The following SESN1 variants were observed in gnomAD, a reference collection of about 807,000 sequenced individuals.
SESN1 encodes sestrin 1, also known as sestrin-1.
Under a neutral mutation model 59.3 loss-of-function variants are expected in SESN1, and 30 were observed. That is an observed-to-expected ratio of 0.51 (90% CI 0.38 to 0.69). The LOEUF is 0.69. Ranked by LOEUF, SESN1 falls within the 30% of genes least tolerant of loss-of-function variation. The pLI is 0.00. For missense variants in SESN1, 566 were observed against 673.0 expected, an observed-to-expected ratio of 0.84 and a Z score of 1.76; for synonymous variants, 197 against 219.9, an observed-to-expected ratio of 0.90 and a Z score of 0.92.
intron 1 of SESN1, among the ~76,000 whole-genome samples, chr6:109,086,396 A>G (rs778151539): frequency 6.6e-6 from 1 of 152,160 alleles, no homozygotes; most frequent in Non-Finnish European, 1.5e-5. Context: ...TTCCACAGCT[A>G]CTTTCTGTCA....
intron 1 of SESN1, among the ~76,000 whole-genome samples, chr6:109,049,948 C>T (rs1011371626): frequency 4.6e-5 from 7 of 151,970 alleles, no homozygotes; most frequent in East Asian, 3.9e-4. Context: ...TAGGCAACAG[C>T]TTTAAAAGAA....
intron 1 of SESN1, among the ~76,000 whole-genome samples, chr6:109,027,304 C>T (rs1780111267): frequency 6.6e-6 from 1 of 151,694 alleles, no homozygotes; most frequent in Non-Finnish European, 1.5e-5. Flanking sequence ...GAAACCCCGT[C>T]TCTACTAAAA....
intron 1 of SESN1, among the ~76,000 whole-genome samples, chr6:109,049,210 G>A (rs2114437148): frequency 6.6e-6 from 1 of 152,160 alleles, no homozygotes; most frequent in Middle Eastern, 3.4e-3. Context: ...TAAAAAAGAA[G>A]GAATCCTGTC....
chr6:109,015,663 A>C (rs1779917246), intron 1 of SESN1, among the ~76,000 whole-genome samples: 1 of 152,182 alleles, frequency 6.6e-6, no homozygotes, highest in Admixed American at 6.5e-5. Flanking sequence ...GAGGTCTATG[A>C]AAAAGGTGAA....
chr6:108,991,073 A>AAC (rs1562452420), intron 7 of SESN1, among the ~76,000 whole-genome samples: 69 of 150,070 alleles, frequency 4.6e-4, no homozygotes, highest in African/African-American at 1.6e-3. Context: ...TCTCAAAAAA[A>AAC]AACAACAACA....
At chr6:109,068,953 C>G (rs914082930) in intron 1 of SESN1, among the ~76,000 whole-genome samples, 1 of 152,002 alleles carries the variant, frequency 6.6e-6, no homozygotes, top group African/African-American at 2.4e-5. Flanking sequence ...AACTCCTGAC[C>G]TCAGGTGATC....
At chr6:109,057,302 T>C (rs1179281619) in intron 1 of SESN1, among the ~76,000 whole-genome samples, 7 of 152,220 alleles carry the variant, frequency 4.6e-5, no homozygotes, top group Non-Finnish European at 7.3e-5. Flanking sequence ...GCCAGAAATA[T>C]AGTGATTGAT....
intron 1 of SESN1, among the ~76,000 whole-genome samples, chr6:109,024,941 GC>G (rs1780066921): frequency 6.6e-6 from 1 of 152,190 alleles, no homozygotes; most frequent in African/African-American, 2.4e-5. Flanking sequence ...GGCCGAACTG[GC>G]AAAGTAACAG....
At chr6:108,989,454 T>G (rs180775051) in intron 8 of SESN1, among the ~76,000 whole-genome samples, 14 of 151,114 alleles carry the variant, frequency 9.3e-5, no homozygotes, top group African/African-American at 2.7e-4. Context: ...TACATCTCTA[T>G]ATCTAGAGAT....
At chr6:109,002,429 G>T in intron 1 of SESN1, 86 bp from the exon 2 acceptor site, 1 of 1,004,588 alleles carries the variant, frequency 1.0e-6, no homozygotes, top group Non-Finnish European at 1.6e-6. Context: ...AAAACAACCA[G>T]TCGAACAGAG....
intron 1 of SESN1, among the ~76,000 whole-genome samples, chr6:109,035,653 T>C (rs1780238179): frequency 6.6e-6 from 1 of 152,166 alleles, no homozygotes; most frequent in Non-Finnish European, 1.5e-5. Context: ...CTCACTCTGT[T>C]GCCCAGGCTC....
chr6:108,988,408 G>T, intron 9 of SESN1, 135 bp downstream of exon 9: 1 of 686,360 alleles, frequency 1.5e-6, no homozygotes. Context: ...AGGGGTACCT[G>T]AGACAGCTGT....
chr6:109,006,080 G>C lies in SESN1; in HGVS notation c.280-3737C>G, dbSNP rs181783216. On this transcript the variant is annotated intron_variant, in intron 1 of 9. Transcript: ENST00000436639. Reference sequence around the variant, plus strand: ...ATGATAATAAATAGCAATAGCAGCAGCAGCAGCTAACACAAAGTATGAGCT... The same window carrying C: ...ATGATAATAAATAGCAATAGCAGCACCAGCAGCTAACACAAAGTATGAGCT... Among the ~76,000 whole-genome samples, 201 of 152,282 alleles carry C rather than the reference G, an allele frequency of 1.3e-3. 1 individual carries two copies. The highest frequency in any genetic ancestry group is 4.7e-3 in the African/African-American group (197 of 41,560).
At chr6:108,997,112 A>C (rs937562590) in intron 5 of SESN1, among the ~76,000 whole-genome samples, 8 of 150,946 alleles carry the variant, frequency 5.3e-5, no homozygotes, top group African/African-American at 1.9e-4. Flanking sequence ...CCTAAAGAAC[A>C]AGCCATATCA....
rs1028472461 is a variant in SESN1 at position 109,094,781 on chromosome 6, C to T, written c.-708G>A. Reference sequence around the variant, plus strand: ...CTCCGATCCCTGAGCCCTCGCCCACCACCGCCGAGCCAGAGGGCACAGGGC... The same window carrying T: ...CTCCGATCCCTGAGCCCTCGCCCACTACCGCCGAGCCAGAGGGCACAGGGC... On this transcript the variant is annotated 5_prime_UTR_variant, in exon 1 of 10. Transcript: ENST00000436639. 5.3e-5 allele frequency: 8 copies of T among 152,270 alleles called. No homozygotes were observed. Among genetic ancestry groups the T allele is most frequent in the African/African-American group, 1.9e-4 (8 of 41,464 alleles). The allele number at this position is 152,270 out of a possible 1,614,324, so 9.4% of individuals were successfully genotyped here. A position where few individuals can be genotyped will look rare whatever the true frequency, so the allele number is the denominator to read the frequency against.
intron 1 of SESN1, among the ~76,000 whole-genome samples, chr6:109,003,361 A>G (rs1484972976): frequency 2.6e-5 from 4 of 151,060 alleles, no homozygotes; most frequent in Non-Finnish European, 5.9e-5. Context: ...TTTAAAGAAA[A>G]AAAGTGGGGA....
intron 1 of SESN1, among the ~76,000 whole-genome samples, chr6:109,026,694 G>C (rs183642786): frequency 6.8e-4 from 103 of 151,964 alleles, no homozygotes; most frequent in Non-Finnish European, 9.4e-4. Flanking sequence ...TAGTAGCGAC[G>C]GGGTTTCACC....
At chr6:109,014,184 T>C (rs1033459213) in intron 1 of SESN1, among the ~76,000 whole-genome samples, 2 of 152,178 alleles carry the variant, frequency 1.3e-5, no homozygotes, top group Non-Finnish European at 2.9e-5. Context: ...TGTAAATAAG[T>C]AGTATTCCAA....
At chr6:108,990,867 A>G in intron 7 of SESN1, 32 bp from the exon 8 acceptor site, 1 of 1,583,330 alleles carries the variant, frequency 6.3e-7, no homozygotes, top group South Asian at 1.1e-5. Flanking sequence ...AATGTGAATA[A>G]ATGTGGTCAA....
Sources: allele counts gnomAD v4.1 joint callset (sites outside exome capture counted in the v4.1 genomes callset), GRCh38; gene constraint gnomAD v4.1.1; transcripts MANE v1.5; gene names NCBI Gene and HGNC (gene_info 2026-07-23, HGNC 2026-07-21).